PSG6: variants seen among roughly 807,000 people sequenced by gnomAD.
The protein encoded by PSG6 is pregnancy specific beta-1-glycoprotein 6.
PSG6 carries 51 observed loss-of-function variants against 43.3 expected under a neutral mutation model. That is an observed-to-expected ratio of 1.18 (90% CI 0.94 to 1.49). The LOEUF (loss-of-function observed/expected upper bound fraction) is 1.49. PSG6 is among the 40% of genes most tolerant of loss of function. The pLI, the probability that PSG6 is intolerant of heterozygous loss-of-function variation, is 0.00. For missense variants in PSG6, 770 were observed against 522.2 expected (o/e 1.47, Z -4.62); for synonymous variants, 292 against 197.6 (o/e 1.48, Z -4.01).
intron 3 of PSG6, among the ~76,000 whole-genome samples, chr19:42,909,519 A>G (rs2122630825): frequency 6.6e-6 from 1 of 151,768 alleles, no homozygotes; most frequent in South Asian, 2.1e-4. Flanking sequence ...TGCCTTTCTA[A>G]CAATATTGCT....
intron 4 of PSG6, 60 bp downstream of exon 4, chr19:42,907,516 C>A (rs868676103): frequency 6.2e-7 from 1 of 1,601,638 alleles, no homozygotes; most frequent in South Asian, 1.1e-5. Flanking sequence ...AGAGGCCTGG[C>A]CTCTGGTCGT....
intron 2 of PSG6, among the ~76,000 whole-genome samples, chr19:42,914,594 G>T (rs10408600): frequency 0.68 from 102,670 of 150,016 alleles, 36,559 homozygotes; most frequent in East Asian, 1. Flanking sequence ...GAGGTGGGGT[G>T]GCTTTAGGGT....
chr19:42,906,890 C>T, intron 5 of PSG6, 32 bp downstream of exon 5: 7 of 1,611,918 alleles, frequency 4.3e-6, no homozygotes, highest in South Asian at 1.1e-5. Context: ...CCACCTAAAA[C>T]CCTATTGCCA....
intron 2 of PSG6, chr19:42,915,858 G>T (rs1417373450): frequency 6.9e-5 from 40 of 576,482 alleles, no homozygotes; most frequent in South Asian, 2.7e-4. Context: ...GAGGTGCTTG[G>T]CTGAGACTGA....
Position 42,916,122 on chromosome 19 carries a change from C to T in PSG6, c.427+3G>A, listed in dbSNP as rs754060253. Reference sequence around the variant, plus strand: ...CACCCAGGGATCATGCGGAATCACTCACAGTATAAGGTGACAGTGAAATAT... The same window carrying T: ...CACCCAGGGATCATGCGGAATCACTTACAGTATAAGGTGACAGTGAAATAT... On this transcript the variant is annotated splice_donor_region_variant and intron_variant, in intron 2 of 5. Transcript: ENST00000187910. 5.6e-6 allele frequency: 9 copies of T among 1,610,304 alleles called. No individual in the cohort carries two copies. In the Admixed American group the frequency reaches 8.4e-5, roughly 15 times the overall value.
rs373689077 is a variant in PSG6 at position 42,907,167 on chromosome 19, T to G, written c.995A>C (p.Asp332Ala). 6.2e-7 allele frequency: 1 copy of G among 1,611,186 alleles called. No individual in the cohort carries two copies. The highest frequency in any genetic ancestry group is 8.5e-7 in the Non-Finnish European group (1 of 1,178,494). Reference protein sequence around the residue: ...PVTLNVLYGPDLPRIYPSFTY... With the variant: ...PVTLNVLYGPALPRIYPSFTY... ...GAATGAAGGGTAAATTCTGGGGAGG[T>G]CTGGACCATCTGGAGGAAAGAGAAT... Residue 332 changes from aspartate to alanine, a missense_variant, in exon 5 of 6, where the codon GAC (aspartate) becomes GCC (alanine). Transcript: ENST00000187910.
intron 3 of PSG6, chr19:42,909,671 T>G (rs889104667): frequency 3.3e-5 from 5 of 151,808 alleles, no homozygotes; most frequent in Non-Finnish European, 7.4e-5. Flanking sequence ...TTCCTTTTGA[T>G]GTTAATGTGA....
chr19:42,909,088 C>T (rs1351001014), intron 3 of PSG6, among the ~76,000 whole-genome samples: 1 of 151,716 alleles, frequency 6.6e-6, no homozygotes. Context: ...CATATACTTA[C>T]TGGTTTAGCA....
intron 2 of PSG6, among the ~76,000 whole-genome samples, chr19:42,913,132 A>G (rs956105141): frequency 1.3e-5 from 2 of 151,436 alleles, no homozygotes; most frequent in African/African-American, 4.9e-5. Context: ...ATCAGTAAGC[A>G]TCAAAAGCAT....
chr19:42,911,332 G>A (rs1443495024), intron 2 of PSG6, among the ~76,000 whole-genome samples: 2 of 151,610 alleles, frequency 1.3e-5, no homozygotes, highest in Non-Finnish European at 2.9e-5. Context: ...TAAGCCCTTT[G>A]GGTATTAGAA....
intron 3 of PSG6, 108 bp from the exon 4 acceptor site, chr19:42,907,962 A>T: frequency 6.8e-7 from 1 of 1,472,144 alleles, no homozygotes; most frequent in South Asian, 1.3e-5. Flanking sequence ...GAGTCCTTGA[A>T]AGCCAGTAGC....
rs188946898 is a variant in PSG6 at position 42,910,201 on chromosome 19, C to T, written c.706+379G>A. 219 of 384,714 alleles carry T rather than the reference C, an allele frequency of 5.7e-4. 5 individuals carry two copies. The highest frequency in any genetic ancestry group is 7.2e-4 in the African/African-American group (35 of 48,692). The allele number at this position is 384,714 out of a possible 1,614,324, so 23.8% of individuals were successfully genotyped here. ...GGAGCAAAGAGAATAATGTCACAGGCGATATTGTCAGAGGGAAGGGAAAAT... is the reference window on the plus strand; with the variant it reads ...GGAGCAAAGAGAATAATGTCACAGGTGATATTGTCAGAGGGAAGGGAAAAT... On this transcript the variant is annotated intron_variant, in intron 3 of 5. Transcript: ENST00000187910.
chr19:42,908,570 G>C (rs901057964), intron 3 of PSG6, among the ~76,000 whole-genome samples: 9 of 151,734 alleles, frequency 5.9e-5, no homozygotes, highest in African/African-American at 1.5e-4. Context: ...TGGAGCAGAA[G>C]CATGTTCCCT....
intron 5 of PSG6, among the ~76,000 whole-genome samples, chr19:42,904,487 A>G (rs61437651): frequency 0.13 from 18,982 of 151,630 alleles, 1,658 homozygotes; most frequent in Admixed American, 0.18. Context: ...GTATTTCAAT[A>G]CACTAACCAT....
chr19:42,902,434 C>T lies in PSG6; in HGVS notation c.1253G>A (p.Gly418Glu), dbSNP rs1251430984. The T allele has an allele frequency of 6.2e-7, 1 of 1,611,166 alleles. No individual in the cohort carries two copies. Among genetic ancestry groups the T allele is most frequent in the Non-Finnish European group, 8.5e-7 (1 of 1,178,366 alleles). Reference sequence around the variant, plus strand: ...CCATTAATGAGACTCTGTCTGGTTTCCATGGCAGGGACCTGATTGACAGAA... The same window carrying T: ...CCATTAATGAGACTCTGTCTGGTTTTCATGGCAGGGACCTGATTGACAGAA... The part of the protein sequence containing the change: ...MIVKVSGPCH[G>E]NQTESH The change falls in exon 6 of 6, where the codon GGA (glycine) becomes GAA (glutamate). Residue 418 changes from glycine to glutamate, a missense_variant. By Grantham distance (98) the Gly-to-Glu change is moderately conservative (BLOSUM62 -2). Transcript: ENST00000187910.
rs545534855 is a variant in PSG6, at chr19:42,906,816, C to T, written c.1240+106G>A. On this transcript the variant is annotated intron_variant, in intron 5 of 5. Transcript: ENST00000187910. ...GAGGAGAATTTGGGATTTGCTTGTGCCCATGGGACACAGTCTGGGAATACA... is the reference window on the plus strand; with the variant it reads ...GAGGAGAATTTGGGATTTGCTTGTGTCCATGGGACACAGTCTGGGAATACA... The T allele has an allele frequency of 1.0e-4, 161 of 1,605,236 alleles. 3 individuals carry two copies. In the African/African-American group the frequency reaches 1.6e-3, roughly 16 times the overall value.
rs115310464 is a variant in PSG6 at position 42,917,556 on chromosome 19, G to A, written c.64+173C>T. On this transcript the variant is annotated intron_variant, in intron 1 of 5. Coordinates refer to ENST00000187910, the MANE Select transcript of PSG6 (RefSeq NM_001031850.4). The stretch of plus-strand genomic sequence containing the variant: ...TTTTTGTATTTTTTGGTAGAGACAC[G>A]TCTACACTGTGTTGGCCAGACTGAT... Among the ~76,000 whole-genome samples the A allele has an allele frequency of 7.3e-3, 1,098 of 150,924 alleles. 25 individuals are homozygous for A. The highest frequency in any genetic ancestry group is 0.025 in the African/African-American group (1,041 of 41,126).
In PSG6 at chr19:42,913,432, A is replaced by G. The variant is rs573696602; in HGVS notation, c.428-2574T>C. The stretch of plus-strand genomic sequence containing the variant: ...AGTGCTGGGATTATAGGCGTGAGCC[A>G]CTGTGCCCAGCCATCTCTGAAGGAT... On this transcript the variant is annotated intron_variant, in intron 2 of 5. Coordinates refer to ENST00000187910, the MANE Select transcript of PSG6 (RefSeq NM_001031850.4). 6.3e-4 allele frequency among the ~76,000 whole-genome samples: 96 copies of G among 151,954 alleles called. 4 individuals are homozygous for G. The highest frequency in any genetic ancestry group is 1.9e-3 in the African/African-American group (80 of 41,460).
rs200239283 is a variant in PSG6, at chr19:42,916,205, G to A, written c.347C>T (p.Ala116Val). ...TATGATGTGTAAGGTGTAGGATCCTGCATCCTCCTGTGTGACATTCTGGAT... is the reference window on the plus strand; with the variant it reads ...TATGATGTGTAAGGTGTAGGATCCTACATCCTCCTGTGTGACATTCTGGAT... ...LLIQNVTQED[A>V]GSYTLHIIKR... The change falls in exon 2 of 6, where the codon GCA (alanine) becomes GTA (valine). Residue 116 changes from alanine (A) to valine (V), a missense_variant. Physicochemically the swap from Ala to Val is moderately conservative, Grantham distance 64 (BLOSUM62 0). Coordinates refer to ENST00000187910, the MANE Select transcript of PSG6 (RefSeq NM_001031850.4). 2.5e-6 allele frequency: 4 copies of A among 1,612,204 alleles called. 1 individual carries two copies. Among genetic ancestry groups the A allele is most frequent in the Non-Finnish European group, 3.4e-6 (4 of 1,179,092 alleles).
Sources: allele counts gnomAD v4.1 joint callset (sites outside exome capture counted in the v4.1 genomes callset), GRCh38; gene constraint gnomAD v4.1.1; transcripts MANE v1.5; gene names NCBI Gene and HGNC (gene_info 2026-07-23, HGNC 2026-07-21).